Variants in ALK observed in about 807,000 individuals in gnomAD.
ALK encodes the protein ALK receptor tyrosine kinase, also known as ALK tyrosine kinase receptor.
ALK carries 74 observed loss-of-function variants against 163.1 expected under a neutral mutation model. That is an observed-to-expected ratio of 0.45 (90% CI 0.38 to 0.55). The LOEUF (loss-of-function observed/expected upper bound fraction) is 0.55, where lower values mean the gene tolerates loss of function less well. Among genes scored for constraint, ALK ranks in the 20% least tolerant of loss-of-function variants. The pLI is 0.00. For synonymous variants in ALK, 960 were observed against 843.2 expected, an observed-to-expected ratio of 1.14 and a Z score of -2.40; for missense variants, 2,063 against 2,105.3, an observed-to-expected ratio of 0.98 and a Z score of 0.39.
At chr2:29,576,341 G>A (rs1397731232) in intron 3 of ALK, among the ~76,000 whole-genome samples, 1 of 152,204 alleles carries the variant, frequency 6.6e-6, no homozygotes, top group Non-Finnish European at 1.5e-5. Context: ...CTCCTCTAGG[G>A]CCATGCTGCC....
Position 29,779,836 on chromosome 2 carries a change from A to T in ALK, c.668-62139T>A, listed in dbSNP as rs139958066. On this transcript the variant is annotated intron_variant, in intron 1 of 28. Transcript: ENST00000389048. ...TCAGTGCTTGAACAGCCTATATCTC[A>T]TTGTGCCTTCATTCTCCAAGGACAT... is the stretch of plus-strand genomic sequence containing the variant. 1.0e-3 allele frequency among the ~76,000 whole-genome samples: 152 copies of T among 152,318 alleles called. 1 individual carries two copies. Among genetic ancestry groups the T allele is most frequent in the African/African-American group, 3.5e-3 (144 of 41,582 alleles).
intron 26 of ALK, among the ~76,000 whole-genome samples, chr2:29,205,818 A>G (rs1360599579): frequency 6.6e-6 from 1 of 152,118 alleles, no homozygotes; most frequent in Admixed American, 6.5e-5. Flanking sequence ...TTTTCCTTAT[A>G]AGGCAACAAT....
chr2:29,641,903 G>A (rs1676714400), intron 3 of ALK, among the ~76,000 whole-genome samples: 1 of 152,146 alleles, frequency 6.6e-6, no homozygotes, highest in South Asian at 2.1e-4. Context: ...CCTAATGGGG[G>A]ATCAGACTAA....
At chr2:29,616,890 G>A (rs1038928356) in intron 3 of ALK, among the ~76,000 whole-genome samples, 1 of 152,140 alleles carries the variant, frequency 6.6e-6, no homozygotes, top group African/African-American at 2.4e-5. Flanking sequence ...CTAAAGCCCT[G>A]CCCCAAAGTG....
intron 3 of ALK, among the ~76,000 whole-genome samples, chr2:29,556,753 C>T (rs888250085): frequency 6.6e-6 from 1 of 152,264 alleles, no homozygotes; most frequent in Non-Finnish European, 1.5e-5. Flanking sequence ...TCTACCTGCA[C>T]AGGTATATAC....
At chr2:29,786,249 T>C (rs80117065) in intron 1 of ALK, among the ~76,000 whole-genome samples, 8,178 of 152,164 alleles carry the variant, frequency 0.054, 741 homozygotes, top group African/African-American at 0.19. Flanking sequence ...ATCTGAAATG[T>C]CTATAGAACC....
intron 1 of ALK, among the ~76,000 whole-genome samples, chr2:29,869,994 A>T (rs529663464): frequency 1.3e-5 from 2 of 152,324 alleles, no homozygotes; most frequent in South Asian, 4.1e-4. Flanking sequence ...GGTAATAATG[A>T]TCTTCATCTA....
intron 4 of ALK, among the ~76,000 whole-genome samples, chr2:29,466,498 GT>G (rs1671218168): frequency 6.6e-6 from 1 of 152,158 alleles, no homozygotes; most frequent in African/African-American, 2.4e-5. Flanking sequence ...ATGTCATTAT[GT>G]TTTTTAATCA....
At chr2:29,900,860 G>A (rs1667395228) in intron 1 of ALK, among the ~76,000 whole-genome samples, 1 of 152,214 alleles carries the variant, frequency 6.6e-6, no homozygotes, top group African/African-American at 2.4e-5. Context: ...TCAAGAAGGA[G>A]TGAGGGACAA....
intron 5 of ALK, among the ~76,000 whole-genome samples, chr2:29,356,473 AG>A (rs59027241): frequency 0.68 from 103,027 of 151,114 alleles, 35,369 homozygotes; most frequent in East Asian, 0.97. Flanking sequence ...GAAAAAAAAA[AG>A]TCCCAGGGAA....
At chr2:29,370,329 G>C (rs1668609226) in intron 5 of ALK, among the ~76,000 whole-genome samples, 1 of 152,144 alleles carries the variant, frequency 6.6e-6, no homozygotes. Flanking sequence ...CTCTAAGGGA[G>C]AGTTCTGTGG....
intron 1 of ALK, among the ~76,000 whole-genome samples, chr2:29,913,244 T>A (rs957668624): frequency 2.0e-5 from 3 of 152,200 alleles, no homozygotes; most frequent in Non-Finnish European, 4.4e-5. Context: ...GCGAATCTGA[T>A]AGAATTTCCC....
At chr2:29,737,124 A>G (rs1272771838) in intron 1 of ALK, among the ~76,000 whole-genome samples, 1 of 152,122 alleles carries the variant, frequency 6.6e-6, no homozygotes, top group Admixed American at 6.5e-5. Context: ...TTTTTTACAA[A>G]TATGTTAATT....
chr2:29,551,541 A>G (rs1334805995), intron 3 of ALK, among the ~76,000 whole-genome samples: 1 of 152,164 alleles, frequency 6.6e-6, no homozygotes, highest in Non-Finnish European at 1.5e-5. Flanking sequence ...TAACTGAGTA[A>G]GCAATAGAAC....
intron 15 of ALK, 133 bp from the exon 16 acceptor site, chr2:29,229,199 T>TG: frequency 1.3e-6 from 1 of 777,490 alleles, no homozygotes; most frequent in Non-Finnish European, 2.3e-6. Context: ...CCATCTTCAG[T>TG]GGGGCCTGGG....
intron 13 of ALK, among the ~76,000 whole-genome samples, chr2:29,236,980 T>C (rs557022944): frequency 2.0e-4 from 31 of 152,346 alleles, no homozygotes; most frequent in African/African-American, 7.2e-4. Flanking sequence ...ATTGAACTCC[T>C]GATCTTGCCC....
At chr2:29,203,829 C>T (rs1462223329) in intron 26 of ALK, among the ~76,000 whole-genome samples, 1 of 151,872 alleles carries the variant, frequency 6.6e-6, no homozygotes, top group African/African-American at 2.4e-5. Context: ...TTGGTGAATT[C>T]TTTCATTCTG....
intron 9 of ALK, among the ~76,000 whole-genome samples, chr2:29,288,901 G>A (rs1558654784): frequency 6.8e-6 from 1 of 146,346 alleles, no homozygotes; most frequent in Non-Finnish European, 1.5e-5. Flanking sequence ...GCAATGAGCT[G>A]AGATGGTGCC....
At chr2:29,526,058 GT>G (rs1333128651) in intron 4 of ALK, among the ~76,000 whole-genome samples, 2 of 152,160 alleles carry the variant, frequency 1.3e-5, no homozygotes, top group Non-Finnish European at 2.9e-5. Context: ...AGAAGGAGGG[GT>G]TTAAGTGAAA....
Sources: allele counts gnomAD v4.1 joint callset (sites outside exome capture counted in the v4.1 genomes callset), GRCh38; gene constraint gnomAD v4.1.1; transcripts MANE v1.5; gene names NCBI Gene and HGNC (gene_info 2026-07-23, HGNC 2026-07-21).